Variants in ADAMTS18 observed in about 807,000 individuals in gnomAD.
ADAMTS18 encodes the protein A disintegrin and metalloproteinase with thrombospondin motifs 18.
A neutral mutation model predicts 165.9 loss-of-function variants in ADAMTS18; 157 were observed. The observed-to-expected ratio is 0.95, with a 90% CI of 0.83 to 1.08. The LOEUF is 1.08. ADAMTS18 is among the 50% of genes least tolerant of loss of function. The pLI, the probability that ADAMTS18 is intolerant of heterozygous loss-of-function variation, is 0.00. For synonymous variants in ADAMTS18, 782 were observed against 578.2 expected, an observed-to-expected ratio of 1.35 and a Z score of -5.06; for missense variants, 2,040 against 1,534.0, an observed-to-expected ratio of 1.33 and a Z score of -5.51.
At chr16:77,384,580 A>T (rs2057078880) in intron 3 of ADAMTS18, among the ~76,000 whole-genome samples, 1 of 152,184 alleles carries the variant, frequency 6.6e-6, no homozygotes, top group Non-Finnish European at 1.5e-5. Context: ...GAACGTCTGA[A>T]GGTTTTGAAT....
At chr16:77,296,416 G>A (rs2055473402) in intron 18 of ADAMTS18, among the ~76,000 whole-genome samples, 4 of 152,056 alleles carry the variant, frequency 2.6e-5, no homozygotes, top group African/African-American at 9.7e-5. Flanking sequence ...ATAATATTAT[G>A]ATTTTTAAAT....
At chr16:77,289,033 T>C (rs1026329571) in intron 22 of ADAMTS18, among the ~76,000 whole-genome samples, 2 of 152,282 alleles carry the variant, frequency 1.3e-5, no homozygotes, top group Admixed American at 1.3e-4. Flanking sequence ...TACAGTGAGC[T>C]GTGTACTCCC....
chr16:77,360,108 T>G (rs930302021), intron 7 of ADAMTS18, among the ~76,000 whole-genome samples: 2 of 152,210 alleles, frequency 1.3e-5, no homozygotes, highest in African/African-American at 4.8e-5. Context: ...AACAAATCTA[T>G]GTACCCATCT....
intron 3 of ADAMTS18, among the ~76,000 whole-genome samples, chr16:77,386,246 C>G (rs1355908119): frequency 1.3e-5 from 2 of 152,164 alleles, no homozygotes; most frequent in Non-Finnish European, 2.9e-5. Context: ...GGGCTCAGAG[C>G]TCATCATCAA....
chr16:77,342,038 AAC>A (rs1465841171), intron 10 of ADAMTS18, among the ~76,000 whole-genome samples: 1 of 152,186 alleles, frequency 6.6e-6, no homozygotes, highest in African/African-American at 2.4e-5. Context: ...GGTAGGTAGC[AAC>A]AGTTAATTTA....
Position 77,367,595 on chromosome 16 carries a change from C to T in ADAMTS18, c.624G>A (p.Glu208=). 6.2e-7 allele frequency: 1 copy of T among 1,614,220 alleles called. No homozygotes were observed. Among genetic ancestry groups the T allele is most frequent in the Non-Finnish European group, 8.5e-7 (1 of 1,180,032 alleles). The change falls in exon 4 of 23, where the codon GAG becomes GAA. Residue 208 remains glutamate (E), a synonymous_variant. Transcript: ENST00000282849. ...AGCCACGGTACCGCTGGATCTTCTCCTCTGCTGTCCTTTTGTACAGTACGT... is the reference window on the plus strand; with the variant it reads ...AGCCACGGTACCGCTGGATCTTCTCTTCTGCTGTCCTTTTGTACAGTACGT... The part of the protein sequence containing the change: ...HPHVLYKRTA[E]EKIQRYRGYP...
Position 77,376,157 on chromosome 16 carries a change from A to T in ADAMTS18, c.496-8434T>A, listed in dbSNP as rs563101864. Among the ~76,000 whole-genome samples, 2 of 151,060 alleles carry T rather than the reference A, an allele frequency of 1.3e-5. 1 individual carries two copies. Among genetic ancestry groups the T allele is most frequent in the Admixed American group, 1.3e-4 (2 of 15,158 alleles). ...ATCTCAGGTGATCCACCCGCCTCAGACTCCCAAAGTGCTGGGATTACAGGC... is the reference window on the plus strand; with the variant it reads ...ATCTCAGGTGATCCACCCGCCTCAGTCTCCCAAAGTGCTGGGATTACAGGC... On this transcript the variant is annotated intron_variant, in intron 3 of 22. Coordinates refer to ENST00000282849, the MANE Select transcript of ADAMTS18 (RefSeq NM_199355.4).
intron 14 of ADAMTS18, among the ~76,000 whole-genome samples, chr16:77,321,535 C>T (rs1250202762): frequency 6.6e-6 from 1 of 152,162 alleles, no homozygotes; most frequent in African/African-American, 2.4e-5. Flanking sequence ...AATACACATG[C>T]ATGCATGTGT....
chr16:77,432,444 T>C (rs768649877), intron 2 of ADAMTS18: 5 of 152,186 alleles, frequency 3.3e-5, no homozygotes, highest in Admixed American at 6.5e-5. Flanking sequence ...GCAGTACTAA[T>C]TGCTGAATGT....
At chr16:77,408,310 A>T (rs145488253) in intron 3 of ADAMTS18, among the ~76,000 whole-genome samples, 98 of 152,294 alleles carry the variant, frequency 6.4e-4, no homozygotes, top group African/African-American at 2.3e-3. Context: ...CCGAAGCTGA[A>T]TTTGCACATG....
chr16:77,398,960 A>G (rs2057293238), intron 3 of ADAMTS18, among the ~76,000 whole-genome samples: 1 of 152,150 alleles, frequency 6.6e-6, no homozygotes, highest in Non-Finnish European at 1.5e-5. Flanking sequence ...ACAAAAAATA[A>G]TTTACTTAGG....
intron 8 of ADAMTS18, among the ~76,000 whole-genome samples, chr16:77,358,079 T>C (rs896907323): frequency 2.0e-5 from 3 of 152,254 alleles, no homozygotes; most frequent in African/African-American, 7.2e-5. Flanking sequence ...TTTCCTGCTT[T>C]GTATGAGAAG....
At chr16:77,389,619 C>T (rs1387096620) in intron 3 of ADAMTS18, among the ~76,000 whole-genome samples, 1 of 152,176 alleles carries the variant, frequency 6.6e-6, no homozygotes, top group Non-Finnish European at 1.5e-5. Flanking sequence ...ACAAGACAGC[C>T]GTTTTCTGCC....
At chr16:77,388,791 G>A (rs2057145010) in intron 3 of ADAMTS18, among the ~76,000 whole-genome samples, 1 of 152,158 alleles carries the variant, frequency 6.6e-6, no homozygotes. Flanking sequence ...GAGAAACCTT[G>A]TATATTCTGG....
At chr16:77,327,538 T>C (rs571150692) in intron 12 of ADAMTS18, among the ~76,000 whole-genome samples, 56 of 152,270 alleles carry the variant, frequency 3.7e-4, no homozygotes, top group Non-Finnish European at 7.1e-4. Context: ...GTGGTGTATA[T>C]AGACCATGGA....
intron 16 of ADAMTS18, among the ~76,000 whole-genome samples, chr16:77,317,763 A>G (rs1333282371): frequency 6.6e-6 from 1 of 152,236 alleles, no homozygotes; most frequent in Non-Finnish European, 1.5e-5. Context: ...TGCTTTCCCC[A>G]TGAACCACTG....
chr16:77,356,157 T>C (rs1243499520), intron 8 of ADAMTS18, 80 bp from the exon 9 acceptor site: 3 of 1,584,676 alleles, frequency 1.9e-6, no homozygotes, highest in African/African-American at 1.3e-5. Context: ...AATAAAGATG[T>C]ATTGATCATC....
intron 16 of ADAMTS18, among the ~76,000 whole-genome samples, chr16:77,314,179 G>A (rs932214460): frequency 6.6e-6 from 1 of 152,168 alleles, no homozygotes; most frequent in Non-Finnish European, 1.5e-5. Flanking sequence ...CTCCAGTTAG[G>A]AAGATGATGG....
At chr16:77,325,381 C>G (rs2056075031) in intron 13 of ADAMTS18, among the ~76,000 whole-genome samples, 1 of 151,928 alleles carries the variant, frequency 6.6e-6, no homozygotes, top group African/African-American at 2.4e-5. Context: ...TACCAAGAAC[C>G]TAGTATAATT....
Sources: allele counts gnomAD v4.1 joint callset (sites outside exome capture counted in the v4.1 genomes callset), GRCh38; gene constraint gnomAD v4.1.1; transcripts MANE v1.5; gene names NCBI Gene and HGNC (gene_info 2026-07-23, HGNC 2026-07-21).